GCC2: variants seen among roughly 807,000 people sequenced by gnomAD.
The protein encoded by GCC2 is GRIP and coiled-coil domain containing 2.
In GCC2, 120 loss-of-function variants were observed where a neutral mutation model predicts 210.6. The observed-to-expected ratio is 0.57, with a 90% CI of 0.49 to 0.66. The LOEUF (loss-of-function observed/expected upper bound fraction) is 0.66. Ranked by LOEUF, GCC2 falls within the 30% of genes least tolerant of loss-of-function variation. GCC2 has a pLI of 0.00. For missense variants in GCC2, 1,868 were observed against 1,871.9 expected, an observed-to-expected ratio of 1.00 and a Z score of 0.04; for synonymous variants, 703 against 652.7, an observed-to-expected ratio of 1.08 and a Z score of -1.17.
At position 108,475,551 on chromosome 2, in the gene GCC2, A is replaced by C. The variant is rs751037716; in HGVS notation, c.2877A>C (p.Glu959Asp). 4 of 1,465,442 alleles carry C rather than the reference A, an allele frequency of 2.7e-6. No individual in the cohort carries two copies. Among genetic ancestry groups the C allele is most frequent in the Non-Finnish European group, 3.7e-6 (4 of 1,085,128 alleles). The allele number at this position is 1,465,442 out of a possible 1,614,324, so 90.8% of individuals were successfully genotyped here. The change falls in exon 8 of 23, where the codon GAA becomes GAC. Residue 959 changes from glutamate to aspartate, a missense_variant. Glu to Asp is a conservative substitution (Grantham distance 45, BLOSUM62 2). Around this residue, in one of 3 missense-constraint regions of GCC2, gnomAD observed 1,847 missense variants for 1,765.2 expected, o/e 1.05. Coordinates refer to ENST00000309863, the MANE Select transcript of GCC2 (RefSeq NM_181453.4). Reference sequence around the variant, plus strand: ...TATTTTTAGAAAATCTGGAAAAAGAATGCAAAGAAAAGGAGGAGAAAATAA... The same window carrying C: ...TATTTTTAGAAAATCTGGAAAAAGACTGCAAAGAAAAGGAGGAGAAAATAA... Reference protein sequence around the residue: ...LEEKIENLEKECKEKEEKINK... With the variant: ...LEEKIENLEKDCKEKEEKINK...
chr2:108,497,565 A>C (rs1682707211), intron 21 of GCC2, among the ~76,000 whole-genome samples: 1 of 152,256 alleles, frequency 6.6e-6, no homozygotes, highest in Admixed American at 6.5e-5. Flanking sequence ...TGAGTCGTTG[A>C]ATTCTAAAGA....
chr2:108,495,861 T>G (rs923664254), intron 20 of GCC2: 1 of 159,006 alleles, frequency 6.3e-6, no homozygotes, highest in Non-Finnish European at 1.4e-5. Flanking sequence ...CCTTTTCAGG[T>G]TTTTCTGCCT....
intron 3 of GCC2, among the ~76,000 whole-genome samples, 196 bp downstream of exon 3, chr2:108,451,308 CACAGTG>C (rs982019039): frequency 1.9e-4 from 29 of 152,248 alleles, no homozygotes; most frequent in African/African-American, 6.7e-4. Context: ...ATCTCTAAAC[CACAGTG>C]ACTTTTGAGT....
In GCC2 at chr2:108,469,009, T is replaced by A. The variant is rs1487321871; in HGVS notation, c.246T>A (p.Leu82=). Residue 82 remains leucine (L), a synonymous_variant, in exon 5 of 23, where the codon CTT becomes CTA. Transcript: ENST00000309863. ...TAACTGAACGTCTGGATGCTCTTCT[T>A]CTGGAAAAAGCAGAGACTGAGCAAC... ...KALTERLDAL[L]LEKAETEQQC... is the part of the protein sequence containing the mutation. 1 of 1,612,574 alleles carries A rather than the reference T, an allele frequency of 6.2e-7. No individual in the cohort carries two copies. Among genetic ancestry groups the A allele is most frequent in the Non-Finnish European group, 8.5e-7 (1 of 1,178,946 alleles).
At chr2:108,454,433 C>T (rs1198520941) in intron 4 of GCC2, among the ~76,000 whole-genome samples, 2 of 152,196 alleles carry the variant, frequency 1.3e-5, no homozygotes, top group Non-Finnish European at 2.9e-5. Flanking sequence ...TATTTAGTTA[C>T]AGTGTATGAA....
At chr2:108,475,893 T>C (rs770785969) in intron 9 of GCC2, 43 bp downstream of exon 9, 7 of 1,015,384 alleles carry the variant, frequency 6.9e-6, no homozygotes, top group Non-Finnish European at 1.0e-5. Flanking sequence ...AAAGTTGTAA[T>C]AATAACTTCT....
In GCC2 at chr2:108,470,761, T is replaced by G. The variant is rs1681158830; in HGVS notation, c.1432T>G (p.Leu478Val). ...ACAGCAAGAAAAGCAAGAAGCAATT[T>G]TAAATTATGAGAGTTTACGAGAGAT... is the stretch of plus-strand genomic sequence containing the variant. ...NLQQEKQEAI[L>V]NYESLREIME... Residue 478 changes from leucine (L) to valine (V), a missense_variant, in exon 6 of 23, where the codon TTA (leucine) becomes GTA (valine). By Grantham distance (32) the Leu-to-Val change is conservative (BLOSUM62 1). Coordinates refer to ENST00000309863, the MANE Select transcript of GCC2 (RefSeq NM_181453.4). 4 of 1,613,420 alleles carry G rather than the reference T, an allele frequency of 2.5e-6. No individual in the cohort carries two copies. The highest frequency in any genetic ancestry group is 3.4e-6 in the Non-Finnish European group (4 of 1,179,850).
At chr2:108,452,827 G>A (rs1680024211) in intron 4 of GCC2, among the ~76,000 whole-genome samples, 3 of 151,088 alleles carry the variant, frequency 2.0e-5, no homozygotes, top group South Asian at 4.2e-4. Context: ...CCAAATAGCT[G>A]GGACTACAGG....
Position 108,473,211 on chromosome 2 carries a change from A to G in GCC2, c.2860+312A>G, listed in dbSNP as rs13413249. The stretch of plus-strand genomic sequence containing the variant: ...CTATTCTAGACCCTGGTGATAGAAA[A>G]GTGGTTGAGGTACAGACCATGTGCT... On this transcript the variant is annotated intron_variant, in intron 7 of 22. Transcript: ENST00000309863. 6.7e-3 allele frequency: 1,661 copies of G among 248,168 alleles called. 25 individuals carry two copies. The highest frequency in any genetic ancestry group is 0.027 in the African/African-American group (1,164 of 43,270). 15.4% of individuals were successfully genotyped at this position (248,168 alleles called of 1,614,324 possible).
At chr2:108,483,194 GATGT>G in intron 12 of GCC2, 28 bp downstream of exon 12, 2 of 1,028,418 alleles carry the variant, frequency 1.9e-6, no homozygotes, top group Non-Finnish European at 1.5e-6. Flanking sequence ...GATCAAAATT[GATGT>G]AATATTCACA....
At chr2:108,488,949 C>T (rs186716353) in intron 17 of GCC2, among the ~76,000 whole-genome samples, 1 of 152,226 alleles carries the variant, frequency 6.6e-6, no homozygotes, top group African/African-American at 2.4e-5. Flanking sequence ...ATATAAATGT[C>T]ACCATTTTCA....
rs1198349294 is a variant in GCC2, at chr2:108,492,785, CAAG to C, written c.4446_4447+1del. ...TTCCAGCTTAAGAATGAACCGACCA[CAAG>C]AAGTATGTATGTACACATGGAAATA... On this transcript the variant is annotated inframe_deletion and splice_region_variant, in exon 19 of 23. Transcript: ENST00000309863. The C allele has an allele frequency of 3.1e-6, 5 of 1,603,154 alleles. No homozygotes were observed. Among genetic ancestry groups the C allele is most frequent in the Non-Finnish European group, 2.6e-6 (3 of 1,169,982 alleles).
chr2:108,500,569 A>G (rs553034573), intron 22 of GCC2, among the ~76,000 whole-genome samples: 41 of 152,356 alleles, frequency 2.7e-4, no homozygotes, highest in Non-Finnish European at 1.8e-4. Context: ...TTTCCATGTC[A>G]GATGGATTTA....
At chr2:108,474,841 A>G (rs933668519) in intron 7 of GCC2, 5 of 152,140 alleles carry the variant, frequency 3.3e-5, no homozygotes, top group South Asian at 2.1e-4. Flanking sequence ...AGGAGGGAGA[A>G]TTGTTGCTCT....
chr2:108,497,211 G>T, intron 21 of GCC2, 102 bp downstream of exon 21: 1 of 1,583,162 alleles, frequency 6.3e-7, no homozygotes, highest in South Asian at 1.1e-5. Context: ...CCACCTCCCA[G>T]GTTCACGCCA....
chr2:108,454,178 A>G (rs2718749), intron 4 of GCC2, among the ~76,000 whole-genome samples: 94,791 of 151,902 alleles, frequency 0.62, 30,155 homozygotes, highest in East Asian at 0.96. Flanking sequence ...TTTTAGTAGA[A>G]ACAGGGTTTC....
rs3217448 is a variant in GCC2, at chr2:108,485,797, T to TA, written c.3715-26dup. The TA allele has an allele frequency of 1.1e-4, 156 of 1,457,434 alleles. No individual in the cohort carries two copies. In the East Asian group the frequency reaches 2.3e-3, roughly 22 times the overall value. The allele number at this position is 1,457,434 out of a possible 1,614,324, so 90.3% of individuals were successfully genotyped here. A position where few individuals can be genotyped will look rare whatever the true frequency, so the allele number is the denominator to read the frequency against. ...TTCATAATTTATTTATGAGTAACAT[T>TA]AAAAAAAATTTAACCAAGATTCTCA... On this transcript the variant is annotated intron_variant, in intron 14 of 22. Coordinates refer to ENST00000309863, the MANE Select transcript of GCC2 (RefSeq NM_181453.4).
At chr2:108,461,481 C>G (rs1469436128) in intron 4 of GCC2, among the ~76,000 whole-genome samples, 1 of 152,096 alleles carries the variant, frequency 6.6e-6, no homozygotes, top group East Asian at 1.9e-4. Flanking sequence ...CACTATTTCA[C>G]TAAATAGGTT....
chr2:108,495,637 G>A, intron 20 of GCC2, 152 bp downstream of exon 20: 1 of 484,712 alleles, frequency 2.1e-6, no homozygotes, highest in Non-Finnish European at 3.7e-6. Context: ...TCTCTAGAGG[G>A]ACAGAACTAA....
Sources: gnomAD v4.1 joint callset for allele counts (sites outside exome capture counted in the v4.1 genomes callset) on GRCh38, gnomAD v4.1.1 for gene constraint, gnomAD v4.1.1 regional missense constraint, MANE v1.5 for transcripts, NCBI Gene and HGNC (gene_info 2026-07-23, HGNC 2026-07-21) for gene names.